Variants in MYO1B observed in about 807,000 individuals in gnomAD.
MYO1B encodes the protein myosin IB, also known as unconventional myosin-Ib.
In MYO1B, 72 loss-of-function variants were observed where a neutral mutation model predicts 159.7. That is an observed-to-expected ratio of 0.45 (90% CI 0.37 to 0.55). MYO1B has a LOEUF of 0.55. Among genes scored for constraint, MYO1B ranks in the 20% least tolerant of loss-of-function variants. The pLI, the probability that MYO1B is intolerant of heterozygous loss-of-function variation, is 0.00. For missense variants in MYO1B, 1,062 were observed against 1,364.8 expected (o/e 0.78, Z 3.50); for synonymous variants, 468 against 473.8 (o/e 0.99, Z 0.16).
At position 191,315,132 on chromosome 2, in the gene MYO1B, C is replaced by T. The variant is rs577000645; in HGVS notation, c.252-14803C>T. ...TGAGGCAGATTCATCCACACCCCCA[C>T]CCCTTATCCTCCCACCGTCCGTCCG... On this transcript the variant is annotated intron_variant, in intron 3 of 30. Coordinates refer to ENST00000392318, the MANE Select transcript of MYO1B (RefSeq NM_001130158.3). Among the ~76,000 whole-genome samples, 11 of 150,642 alleles carry T rather than the reference C, an allele frequency of 7.3e-5. No individual in the cohort carries two copies. The South Asian group carries it at 1.9e-3, about 26-fold the overall frequency.
intron 7 of MYO1B, among the ~76,000 whole-genome samples, chr2:191,354,820 T>C (rs1014785797): frequency 5.3e-5 from 8 of 152,194 alleles, no homozygotes; most frequent in Non-Finnish European, 8.8e-5. Context: ...GGGCACCAGC[T>C]TGCACAGTTT....
chr2:191,393,702 G>A (rs951400779), intron 20 of MYO1B, among the ~76,000 whole-genome samples: 2 of 152,060 alleles, frequency 1.3e-5, no homozygotes, highest in African/African-American at 2.4e-5. Context: ...TTCTGGTTTT[G>A]GTTAAAGGAT....
In MYO1B at chr2:191,278,106, C is replaced by T. The variant is rs1009734984; in HGVS notation, c.135+1076C>T. On this transcript the variant is annotated intron_variant, in intron 2 of 30. Coordinates refer to ENST00000392318, the MANE Select transcript of MYO1B (RefSeq NM_001130158.3). ...CAACTCTCTTTATCTGTTGGAGCTG[C>T]GATACCAAAATACCATAAACTAGGT... Among the ~76,000 whole-genome samples the T allele has an allele frequency of 3.9e-5, 6 of 152,120 alleles. No homozygotes were observed. The South Asian group carries it at 6.2e-4, about 16-fold the overall frequency.
At chr2:191,406,839 T>C (rs1696946316) in intron 24 of MYO1B, among the ~76,000 whole-genome samples, 1 of 152,170 alleles carries the variant, frequency 6.6e-6, no homozygotes, top group Non-Finnish European at 1.5e-5. Context: ...TGCATTAAAA[T>C]GAGGTATGCC....
intron 2 of MYO1B, among the ~76,000 whole-genome samples, chr2:191,294,226 T>C (rs1481201800): frequency 1.3e-5 from 2 of 152,180 alleles, no homozygotes; most frequent in African/African-American, 4.8e-5. Context: ...TGTGCAAGAA[T>C]GCCACAGAGG....
chr2:191,387,610 T>C, intron 17 of MYO1B, 160 bp downstream of exon 17: 1 of 666,490 alleles, frequency 1.5e-6, no homozygotes. Context: ...TAAAAAATGC[T>C]CCACTATCCT....
intron 3 of MYO1B, among the ~76,000 whole-genome samples, chr2:191,317,627 C>T (rs940088843): frequency 6.6e-6 from 1 of 152,136 alleles, no homozygotes; most frequent in African/African-American, 2.4e-5. Flanking sequence ...GTCCCTCCCC[C>T]TTCCCTCCAC....
intron 12 of MYO1B, 37 bp downstream of exon 12, chr2:191,369,665 A>T: frequency 6.7e-7 from 1 of 1,482,694 alleles, no homozygotes; most frequent in Non-Finnish European, 9.4e-7. Flanking sequence ...GTTGTAATAA[A>T]TGGTATTCAC....
At chr2:191,356,351 TTTTTTTGAG>T (rs1198999526) in intron 7 of MYO1B, among the ~76,000 whole-genome samples, 3 of 150,310 alleles carry the variant, frequency 2.0e-5, no homozygotes, top group African/African-American at 7.3e-5. Flanking sequence ...TTTTTTTTTT[TTTTTTTGAG>T]TTTTGAGTTT....
intron 23 of MYO1B, chr2:191,402,379 G>A (rs1696669396): frequency 2.0e-6 from 1 of 495,606 alleles, no homozygotes. Context: ...TGGAAGTGAG[G>A]GGTGGGAAAT....
chr2:191,324,709 T>C (rs1489155832), intron 3 of MYO1B, among the ~76,000 whole-genome samples: 1 of 152,164 alleles, frequency 6.6e-6, no homozygotes, highest in African/African-American at 2.4e-5. Flanking sequence ...GTAACTGTAA[T>C]GTGTACATAA....
At chr2:191,312,828 C>T (rs148605905) in intron 3 of MYO1B, among the ~76,000 whole-genome samples, 321 of 152,306 alleles carry the variant, frequency 2.1e-3, no homozygotes, top group Non-Finnish European at 4.0e-3. Context: ...GATGCCCACA[C>T]CTCACTTTGG....
chr2:191,305,146 A>T (rs1473358539), intron 3 of MYO1B, among the ~76,000 whole-genome samples: 1 of 152,206 alleles, frequency 6.6e-6, no homozygotes, highest in Non-Finnish European at 1.5e-5. Context: ...CCCACCTGGG[A>T]AGCCTTGTCT....
intron 3 of MYO1B, among the ~76,000 whole-genome samples, chr2:191,305,674 A>C (rs1689608418): frequency 6.6e-6 from 1 of 152,234 alleles, no homozygotes; most frequent in Admixed American, 6.5e-5. Context: ...GCCATAAAAA[A>C]GGTGGGGCAT....
chr2:191,421,379 A>C (rs1697930857), intron 30 of MYO1B, among the ~76,000 whole-genome samples: 1 of 151,882 alleles, frequency 6.6e-6, no homozygotes, highest in Admixed American at 6.6e-5. Context: ...CTCTAGTGTG[A>C]ATATTAATCA....
chr2:191,411,776 C>T lies in MYO1B; in HGVS notation c.2873+604C>T, dbSNP rs368024719. On this transcript the variant is annotated intron_variant, in intron 27 of 30. Coordinates refer to ENST00000392318, the MANE Select transcript of MYO1B (RefSeq NM_001130158.3). ...GAAGGAACACCAATCCCAAGTTCAGCAAGTGAAGTCCTTGGTAAAGACTGT... is the reference window on the plus strand; with the variant it reads ...GAAGGAACACCAATCCCAAGTTCAGTAAGTGAAGTCCTTGGTAAAGACTGT... Among the ~76,000 whole-genome samples the T allele has an allele frequency of 3.9e-5, 6 of 152,180 alleles. No homozygotes were observed. The East Asian group carries it at 1.2e-3, about 29-fold the overall frequency.
chr2:191,350,308 T>C, intron 7 of MYO1B, 83 bp downstream of exon 7: 1 of 970,014 alleles, frequency 1.0e-6, no homozygotes, highest in Non-Finnish European at 1.6e-6. Context: ...GATACTTGTG[T>C]CTTTGAGGCA....
intron 1 of MYO1B, among the ~76,000 whole-genome samples, chr2:191,274,255 C>T (rs1687622538): frequency 6.6e-6 from 1 of 152,158 alleles, no homozygotes; most frequent in Non-Finnish European, 1.5e-5. Flanking sequence ...CACTGTTTAC[C>T]AGTTACCTGT....
intron 21 of MYO1B, among the ~76,000 whole-genome samples, chr2:191,398,960 C>T (rs1696402586): frequency 6.6e-6 from 1 of 152,238 alleles, no homozygotes; most frequent in South Asian, 2.1e-4. Context: ...CGCCACTGCA[C>T]TCCAGCCTGG....
Sources: allele counts gnomAD v4.1 joint callset (sites outside exome capture counted in the v4.1 genomes callset), GRCh38; gene constraint gnomAD v4.1.1; transcripts MANE v1.5; gene names NCBI Gene and HGNC (gene_info 2026-07-23, HGNC 2026-07-21).